Variants in ARHGEF16 observed in about 807,000 individuals in gnomAD.
ARHGEF16 encodes Rho guanine nucleotide exchange factor 16.
In ARHGEF16, 59 loss-of-function variants were observed where a neutral mutation model predicts 74.1. The observed-to-expected ratio is 0.80, with a 90% confidence interval of 0.65 to 0.99. The LOEUF is 0.99. Among genes scored for constraint, ARHGEF16 ranks in the 50% least tolerant of loss-of-function variants. The pLI is 0.00. For synonymous variants in ARHGEF16, 415 were observed against 412.6 expected (o/e 1.01, Z -0.07); for missense variants, 948 against 986.6 (o/e 0.96, Z 0.52).
intron 2 of ARHGEF16, among the ~76,000 whole-genome samples, chr1:3,464,965 A>C (rs1377557653): frequency 1.3e-5 from 2 of 152,128 alleles, no homozygotes; most frequent in Non-Finnish European, 2.9e-5. Flanking sequence ...GGGGTCCCCC[A>C]TGTCCCCAGC....
At position 3,463,429 on chromosome 1, in the gene ARHGEF16, G is replaced by A. The variant is rs1478138649; in HGVS notation, c.345G>A (p.Arg115=). Residue 115 remains arginine, a synonymous_variant, in exon 2 of 15, where the codon AGG becomes AGA. Coordinates refer to ENST00000378378, the MANE Select transcript of ARHGEF16 (RefSeq NM_014448.4). ...GCTTCGGGGCGGCTGTACTTAGCAG[G>A]GAGGCCGCCCGGCGGGACCCTAAGC... The part of the protein sequence containing the change: ...HQSFGAAVLS[R]EAARRDPKLL... 1.9e-6 allele frequency: 3 copies of A among 1,546,818 alleles called. No individual in the cohort carries two copies. The Admixed American group carries it at 6.0e-5, about 31-fold the overall frequency.
At chr1:3,463,876 C>T (rs765057266) in intron 2 of ARHGEF16, among the ~76,000 whole-genome samples, 9 of 152,226 alleles carry the variant, frequency 5.9e-5, no homozygotes, top group Non-Finnish European at 1.0e-4. Flanking sequence ...AGCAGAGGCT[C>T]GGAAAGGTCG....
chr1:3,469,399 T>C (rs1485444375), intron 5 of ARHGEF16, 34 bp from the exon 6 acceptor site: 8 of 1,609,672 alleles, frequency 5.0e-6, no homozygotes, highest in Non-Finnish European at 5.9e-6. Context: ...GTGTCCAGCG[T>C]CACTGTGGGG....
At chr1:3,474,300 C>T (rs1285770496) in intron 8 of ARHGEF16, 6 of 251,660 alleles carry the variant, frequency 2.4e-5, no homozygotes, top group Admixed American at 4.8e-5. Context: ...CACACAGCCC[C>T]GCACATGGCA....
At position 3,463,535 on chromosome 1, in the gene ARHGEF16, A is replaced by G; in HGVS notation, c.451A>G (p.Asn151Asp). Residue 151 changes from asparagine to aspartate, a missense_variant, in exon 2 of 15, where the codon AAC becomes GAC. Physicochemically the swap from Asn to Asp is conservative, Grantham distance 23 (BLOSUM62 1). Transcript: ENST00000378378. Reference sequence around the variant, plus strand: ...GGGCATGCTGAGGCGGAACCTGCGGAACCAATCCTACCGGGCGGCCATGAA... The same window carrying G: ...GGGCATGCTGAGGCGGAACCTGCGGGACCAATCCTACCGGGCGGCCATGAA... ...PGGMLRRNLR[N>D]QSYRAAMKGL... is the part of the protein sequence containing the mutation. 2.0e-6 allele frequency: 3 copies of G among 1,469,634 alleles called. No individual in the cohort carries two copies. The highest frequency in any genetic ancestry group is 2.7e-6 in the Non-Finnish European group (3 of 1,107,520). The allele number at this position is 1,469,634 out of a possible 1,614,324, so 91.0% of individuals were successfully genotyped here. A position where few individuals can be genotyped will look rare whatever the true frequency, so the allele number is the denominator to read the frequency against.
chr1:3,466,681 C>CT (rs1483571272), intron 3 of ARHGEF16, among the ~76,000 whole-genome samples: 2 of 152,202 alleles, frequency 1.3e-5, no homozygotes, highest in Non-Finnish European at 2.9e-5. Context: ...GAGGTGCCTG[C>CT]TACCTGGGTC....
chr1:3,473,312 G>C lies in ARHGEF16; in HGVS notation c.1176-81G>C, dbSNP rs529975610. On this transcript the variant is annotated intron_variant, in intron 7 of 14. Transcript: ENST00000378378. ...CTCCCAAAGCACATTCCTGCTCCCA[G>C]CCCAGCTTCTGCAGGTCCTGCCTGA... is the stretch of plus-strand genomic sequence containing the variant. 1.5e-5 allele frequency: 24 copies of C among 1,580,872 alleles called. No individual in the cohort carries two copies. In the African/African-American group the frequency reaches 2.4e-4, roughly 16 times the overall value.
In ARHGEF16 at chr1:3,469,604, G is replaced by T. The variant is rs1284520184; in HGVS notation, c.1022+11G>T. 1 of 1,612,464 alleles carries T rather than the reference G, an allele frequency of 6.2e-7. No homozygotes were observed. The highest frequency in any genetic ancestry group is 8.5e-7 in the Non-Finnish European group (1 of 1,179,894). On this transcript the variant is annotated intron_variant, in intron 6 of 14. Coordinates refer to ENST00000378378, the MANE Select transcript of ARHGEF16 (RefSeq NM_014448.4). Reference sequence around the variant, plus strand: ...GGGTGCCAGTCAGAGGTGAGGCCACGCCACAGCCTTCCACACAGGGTCCTC... The same window carrying T: ...GGGTGCCAGTCAGAGGTGAGGCCACTCCACAGCCTTCCACACAGGGTCCTC...
At chr1:3,458,226 C>G (rs1639309179) in intron 1 of ARHGEF16, among the ~76,000 whole-genome samples, 1 of 152,254 alleles carries the variant, frequency 6.6e-6, no homozygotes, top group Non-Finnish European at 1.5e-5. Flanking sequence ...CATGGGGAGA[C>G]AGGACAGCCA....
At chr1:3,473,980 G>A (rs1639810887) in intron 8 of ARHGEF16, 2 of 252,568 alleles carry the variant, frequency 7.9e-6, no homozygotes, top group African/African-American at 2.2e-5. Context: ...CAGGGCAGAG[G>A]GTATATGAGG....
intron 1 of ARHGEF16, among the ~76,000 whole-genome samples, chr1:3,455,571 G>A (rs1255359582): frequency 6.6e-6 from 1 of 152,168 alleles, no homozygotes; most frequent in African/African-American, 2.4e-5. Context: ...TGGCAGCGAT[G>A]GCAGGTCTTG....
intron 1 of ARHGEF16, among the ~76,000 whole-genome samples, chr1:3,456,571 C>A (rs1639271164): frequency 6.6e-6 from 1 of 152,252 alleles, no homozygotes; most frequent in African/African-American, 2.4e-5. Flanking sequence ...CCGCAGGCCA[C>A]ATTCCCTCTG....
rs199778107 is a variant in ARHGEF16 at position 3,473,216 on chromosome 1, G to A, written c.1161G>A (p.Thr387=). The part of the protein sequence containing the change: ...YCSNEVYQQR[T]LQKLISSNAA... ...CCAACGAGGTCTACCAACAGCGCAC[G>A]CTGCAGAAGCTGATGTGAGTGGGCG... The change falls in exon 7 of 15, where the codon ACG becomes ACA. Residue 387 remains threonine, a synonymous_variant. Coordinates refer to ENST00000378378, the MANE Select transcript of ARHGEF16 (RefSeq NM_014448.4). 1.4e-5 allele frequency: 22 copies of A among 1,612,890 alleles called. No individual in the cohort carries two copies. Among genetic ancestry groups the A allele is most frequent in the Admixed American group, 3.3e-5 (2 of 59,984 alleles).
intron 6 of ARHGEF16, among the ~76,000 whole-genome samples, chr1:3,471,093 T>G: frequency 6.9e-6 from 1 of 145,718 alleles, no homozygotes; most frequent in South Asian, 2.1e-4. Flanking sequence ...GGGGTGTGTG[T>G]GCGTGGGTGT....
intron 14 of ARHGEF16, 27 bp downstream of exon 14, chr1:3,479,940 T>G: frequency 6.2e-7 from 1 of 1,608,064 alleles, no homozygotes. Flanking sequence ...TGGGCACAGA[T>G]GGGTGGGAAC....
At chr1:3,454,974 C>T (rs1213699253) in intron 1 of ARHGEF16, among the ~76,000 whole-genome samples, 163 bp downstream of exon 1, 1 of 152,132 alleles carries the variant, frequency 6.6e-6, no homozygotes, top group Non-Finnish European at 1.5e-5. Flanking sequence ...CTTCGCGACC[C>T]TCCTGGGGCT....
chr1:3,478,047 T>G (rs1639942522), intron 11 of ARHGEF16, 21 bp downstream of exon 11: 1 of 1,612,324 alleles, frequency 6.2e-7, no homozygotes, highest in Non-Finnish European at 8.5e-7. Flanking sequence ...GGCAGGAGGG[T>G]GTGGGGAGCC....
intron 5 of ARHGEF16, 46 bp downstream of exon 5, chr1:3,468,982 A>G (rs758219286): frequency 1.2e-5 from 19 of 1,546,954 alleles, no homozygotes; most frequent in South Asian, 3.6e-5. Flanking sequence ...GGCCTGGGCC[A>G]TGCAACACCC....
rs752428641 is a variant in ARHGEF16 at position 3,469,451 on chromosome 1, A to T, written c.880A>T (p.Thr294Ser). ...TCCACAGGCCATGTTCGAGATCCTCACGTCGGAGTTCTCCTACCAGCACAG... is the reference window on the plus strand; with the variant it reads ...TCCACAGGCCATGTTCGAGATCCTCTCGTCGGAGTTCTCCTACCAGCACAG... ...KRQEAMFEIL[T>S]SEFSYQHSLS... Residue 294 changes from threonine (T) to serine (S), a missense_variant, in exon 6 of 15, where the codon ACG becomes TCG. Physicochemically the swap from Thr to Ser is moderately conservative, Grantham distance 58. Coordinates refer to ENST00000378378, the MANE Select transcript of ARHGEF16 (RefSeq NM_014448.4). The T allele has an allele frequency of 6.2e-7, 1 of 1,612,962 alleles. No individual in the cohort carries two copies. Among genetic ancestry groups the T allele is most frequent in the Non-Finnish European group, 8.5e-7 (1 of 1,179,962 alleles).
Sources: allele counts gnomAD v4.1 joint callset (sites outside exome capture counted in the v4.1 genomes callset), GRCh38; gene constraint gnomAD v4.1.1; transcripts MANE v1.5; gene names NCBI Gene and HGNC (gene_info 2026-07-23, HGNC 2026-07-21).